The following SLC9A9 variants were observed in gnomAD, a reference collection of about 807,000 sequenced individuals.
The protein encoded by SLC9A9 is solute carrier family 9 member A9, also known as sodium/hydrogen exchanger 9.
In SLC9A9, 62 loss-of-function variants were observed where a neutral mutation model predicts 77.8. The ratio of observed to expected loss-of-function variants is 0.80; its 90% confidence interval spans 0.65 to 0.98. SLC9A9 has a LOEUF of 0.98. Ranked by LOEUF, SLC9A9 falls within the 50% of genes least tolerant of loss-of-function variation. The probability of loss-of-function intolerance (pLI) is 0.00; values close to 1 mark genes in which losing one functional copy is unlikely to be tolerated. For missense variants in SLC9A9, 775 were observed against 774.9 expected, an observed-to-expected ratio of 1.00 and a Z score of 0.00; for synonymous variants, 320 against 283.5, an observed-to-expected ratio of 1.13 and a Z score of -1.29.
intron 14 of SLC9A9, among the ~76,000 whole-genome samples, chr3:143,327,961 T>A (rs2031652206): frequency 6.6e-6 from 1 of 152,240 alleles, no homozygotes; most frequent in Non-Finnish European, 1.5e-5. Flanking sequence ...CTAAATAGCT[T>A]GCAACCCATG....
intron 4 of SLC9A9, among the ~76,000 whole-genome samples, chr3:143,711,829 AT>A (rs1026194919): frequency 7.9e-5 from 12 of 152,146 alleles, no homozygotes; most frequent in African/African-American, 2.9e-4. Flanking sequence ...AAGGAAGGTA[AT>A]TTGATTTGCT....
At chr3:143,627,629 A>G in intron 6 of SLC9A9, 1 of 302,864 alleles carries the variant, frequency 3.3e-6, no homozygotes, top group Non-Finnish European at 6.3e-6. Context: ...CAAAGATCCC[A>G]AAGGACTGTG....
chr3:143,641,361 A>C (rs12629688), intron 6 of SLC9A9, among the ~76,000 whole-genome samples: 24,114 of 149,606 alleles, frequency 0.16, 2,043 homozygotes, highest in Non-Finnish European at 0.2. Flanking sequence ...TACCAAATTA[A>C]AAAGAATTAT....
chr3:143,713,262 A>G (rs1934244692), intron 4 of SLC9A9, among the ~76,000 whole-genome samples: 1 of 152,224 alleles, frequency 6.6e-6, no homozygotes, highest in African/African-American at 2.4e-5. Flanking sequence ...AATTCAGTGT[A>G]TTCAACATTG....
intron 14 of SLC9A9, among the ~76,000 whole-genome samples, chr3:143,317,044 A>C (rs1029188381): frequency 6.6e-6 from 1 of 152,196 alleles, no homozygotes; most frequent in Non-Finnish European, 1.5e-5. Context: ...CCTGAAATAC[A>C]GTCAGCACTC....
chr3:143,652,303 A>C lies in SLC9A9; in HGVS notation c.707T>G (p.Leu236Trp). The C allele has an allele frequency of 1.9e-6, 3 of 1,613,428 alleles. No individual in the cohort carries two copies. The highest frequency in any genetic ancestry group is 4.5e-5 in the East Asian group (2 of 44,818). Reference sequence around the variant, plus strand: ...ATCATTCAACACACTCTCTCCAAACAAGAGTGTGTACAGGTCAGGGTCGAC... The same window carrying C: ...ATCATTCAACACACTCTCTCCAAACCAGAGTGTGTACAGGTCAGGGTCGAC... The part of the protein sequence containing the change: ...LHVDPDLYTL[L>W]FGESVLNDAV... Residue 236 changes from leucine to tryptophan, a missense_variant, in exon 6 of 16, where the codon TTG (leucine) becomes TGG (tryptophan). Transcript: ENST00000316549.
intron 12 of SLC9A9, among the ~76,000 whole-genome samples, chr3:143,464,534 A>G (rs2035252529): frequency 6.6e-6 from 1 of 151,722 alleles, no homozygotes; most frequent in South Asian, 2.1e-4. Context: ...TCCCTTTAGT[A>G]TAGGTGCTAA....
intron 2 of SLC9A9, among the ~76,000 whole-genome samples, chr3:143,818,627 A>G (rs1188105620): frequency 6.6e-6 from 1 of 152,096 alleles, no homozygotes; most frequent in Non-Finnish European, 1.5e-5. Flanking sequence ...TAAGTGTGGT[A>G]AAATATCTGA....
intron 14 of SLC9A9, among the ~76,000 whole-genome samples, chr3:143,295,642 TGACA>T (rs1331043108): frequency 2.6e-5 from 4 of 152,210 alleles, no homozygotes; most frequent in Non-Finnish European, 5.9e-5. Context: ...TGTCATTAAC[TGACA>T]ATGAGCCTTC....
chr3:143,537,418 G>A (rs1235218334), intron 9 of SLC9A9, among the ~76,000 whole-genome samples: 24 of 152,140 alleles, frequency 1.6e-4, no homozygotes. Context: ...TGCCCTTGCT[G>A]GGTTCCAACT....
intron 4 of SLC9A9, among the ~76,000 whole-genome samples, chr3:143,748,268 C>T (rs902410418): frequency 1.3e-5 from 2 of 152,134 alleles, no homozygotes; most frequent in African/African-American, 4.8e-5. Context: ...CGGGACCCCA[C>T]AAATATAAGA....
intron 12 of SLC9A9, among the ~76,000 whole-genome samples, chr3:143,425,264 C>CTTTTTTTTTTTTTTTTTTTTTTT (rs200568656): frequency 2.0e-5 from 2 of 98,576 alleles, no homozygotes; most frequent in Non-Finnish European, 2.0e-5. Flanking sequence ...TGAGGCTTAG[C>CTTTTTTTTTTTTTTTTTTTTTTT]TTTTTTTTTT....
intron 1 of SLC9A9, among the ~76,000 whole-genome samples, chr3:143,835,862 C>T (rs554949858): frequency 6.6e-6 from 1 of 152,294 alleles, no homozygotes; most frequent in Non-Finnish European, 1.5e-5. Flanking sequence ...TGCAAACAGC[C>T]CTGGCCCCAG....
At chr3:143,802,089 G>C (rs189139612) in intron 2 of SLC9A9, among the ~76,000 whole-genome samples, 199 of 152,198 alleles carry the variant, frequency 1.3e-3, no homozygotes, top group Middle Eastern at 3.4e-3. Flanking sequence ...TGTCCCTCAC[G>C]GCCAGTTTTT....
intron 1 of SLC9A9, among the ~76,000 whole-genome samples, chr3:143,843,694 T>G (rs554974596): frequency 6.6e-6 from 1 of 152,156 alleles, no homozygotes; most frequent in African/African-American, 2.4e-5. Context: ...ATTATAAATG[T>G]CCTGTAAAGT....
intron 6 of SLC9A9, among the ~76,000 whole-genome samples, chr3:143,624,119 A>T (rs1310954237): frequency 6.6e-6 from 1 of 152,230 alleles, no homozygotes; most frequent in Non-Finnish European, 1.5e-5. Context: ...TGAGGCAATA[A>T]TTAATAGCTT....
intron 6 of SLC9A9, among the ~76,000 whole-genome samples, chr3:143,593,220 G>C (rs1425927975): frequency 2.6e-5 from 4 of 152,214 alleles, no homozygotes. Context: ...CCTCCTGGGA[G>C]CACAGGTGGC....
chr3:143,423,523 G>A (rs1015622687), intron 12 of SLC9A9, among the ~76,000 whole-genome samples: 4 of 152,142 alleles, frequency 2.6e-5, no homozygotes, highest in Admixed American at 6.5e-5. Context: ...TAAGGGCGGA[G>A]CAGATGGATT....
chr3:143,579,264 A>G (rs994832300), intron 6 of SLC9A9, among the ~76,000 whole-genome samples: 3 of 152,158 alleles, frequency 2.0e-5, no homozygotes, highest in Non-Finnish European at 4.4e-5. Context: ...TCAGAACATC[A>G]CAGTACTAAC....
Sources: gnomAD v4.1 joint callset for allele counts (sites outside exome capture counted in the v4.1 genomes callset) on GRCh38, gnomAD v4.1.1 for gene constraint, MANE v1.5 for transcripts, NCBI Gene and HGNC (gene_info 2026-07-23, HGNC 2026-07-21) for gene names.